MOB3B: variants seen among roughly 807,000 people sequenced by gnomAD.
MOB3B encodes the protein MOB kinase activator 3B.
Under a neutral mutation model 18.7 loss-of-function variants are expected in MOB3B, and 7 were observed. That is an observed-to-expected ratio of 0.37 (90% confidence interval 0.21 to 0.70). The LOEUF is 0.70. Ranked by LOEUF, MOB3B falls within the 30% of genes least tolerant of loss-of-function variation. The probability of loss-of-function intolerance (pLI) is 0.52; values close to 1 mark genes in which losing one functional copy is unlikely to be tolerated. For missense variants in MOB3B, 253 were observed against 281.3 expected (o/e 0.90, Z 0.72); for synonymous variants, 111 against 99.9 (o/e 1.11, Z -0.66).
At chr9:27,331,528 G>A (rs1210634346) in intron 3 of MOB3B, among the ~76,000 whole-genome samples, 1 of 152,148 alleles carries the variant, frequency 6.6e-6, no homozygotes, top group African/African-American at 2.4e-5. Flanking sequence ...TAGACTGGGC[G>A]CTACTAAGTG....
intron 1 of MOB3B, among the ~76,000 whole-genome samples, chr9:27,504,826 G>C (rs561736887): frequency 6.6e-6 from 1 of 152,226 alleles, no homozygotes; most frequent in African/African-American, 2.4e-5. Context: ...GAGGTCAGGA[G>C]TCTAAAATGG....
At chr9:27,444,036 C>A (rs1822638365) in intron 2 of MOB3B, among the ~76,000 whole-genome samples, 1 of 151,810 alleles carries the variant, frequency 6.6e-6, no homozygotes, top group South Asian at 2.1e-4. Context: ...TTCAAGAGCA[C>A]AAGGCCATGG....
chr9:27,395,121 T>TA (rs1464002894), intron 2 of MOB3B, among the ~76,000 whole-genome samples: 1 of 152,204 alleles, frequency 6.6e-6, no homozygotes, highest in Non-Finnish European at 1.5e-5. Flanking sequence ...GTGGAGTCAT[T>TA]AAGTCGGGAT....
intron 2 of MOB3B, among the ~76,000 whole-genome samples, chr9:27,392,399 C>T (rs775351986): frequency 2.6e-5 from 4 of 151,984 alleles, no homozygotes; most frequent in East Asian, 1.9e-4. Flanking sequence ...AATGGTATAC[C>T]GTAGTAGGAC....
At chr9:27,342,581 C>T (rs1820962700) in intron 3 of MOB3B, among the ~76,000 whole-genome samples, 1 of 152,206 alleles carries the variant, frequency 6.6e-6, no homozygotes, top group Non-Finnish European at 1.5e-5. Flanking sequence ...ATTCTCCTGC[C>T]TCAGCCTGCA....
chr9:27,330,902 G>A (rs564294012), intron 3 of MOB3B, among the ~76,000 whole-genome samples: 1 of 152,206 alleles, frequency 6.6e-6, no homozygotes, highest in East Asian at 1.9e-4. Flanking sequence ...TGAACAACTG[G>A]AGTTGAAGAA....
intron 2 of MOB3B, among the ~76,000 whole-genome samples, chr9:27,388,380 T>A (rs1186112428): frequency 6.6e-6 from 1 of 152,198 alleles, no homozygotes; most frequent in Non-Finnish European, 1.5e-5. Flanking sequence ...GCTTTCATAT[T>A]AGCACTGACC....
At chr9:27,468,710 T>C (rs1335656265) in intron 1 of MOB3B, among the ~76,000 whole-genome samples, 1 of 152,222 alleles carries the variant, frequency 6.6e-6, no homozygotes, top group African/African-American at 2.4e-5. Context: ...TCAGTAACTT[T>C]TTGTGGTTAA....
chr9:27,366,334 C>T lies in MOB3B; in HGVS notation c.419-7098G>A, dbSNP rs563610854. Among the ~76,000 whole-genome samples the T allele has an allele frequency of 2.6e-5, 4 of 152,304 alleles. No homozygotes were observed. In the East Asian group the frequency reaches 7.7e-4, roughly 29 times the overall value. ...CTTTCATCTCTGCCTTAGGAAATCT[C>T]CTTTCTCCCCAAGAAAATTTAATAA... On this transcript the variant is annotated intron_variant, in intron 2 of 3. Coordinates refer to ENST00000262244, the MANE Select transcript of MOB3B (RefSeq NM_024761.5).
At chr9:27,494,917 A>G (rs2477525) in intron 1 of MOB3B, among the ~76,000 whole-genome samples, 2,226 of 152,330 alleles carry the variant, frequency 0.015, 55 homozygotes, top group African/African-American at 0.051. Context: ...AATGCAAATT[A>G]TGATTCAACA....
At chr9:27,377,671 C>T (rs1821509061) in intron 2 of MOB3B, among the ~76,000 whole-genome samples, 2 of 152,316 alleles carry the variant, frequency 1.3e-5, no homozygotes, top group South Asian at 4.1e-4. Context: ...ACTTTTTATG[C>T]TAAATTGAAA....
At chr9:27,497,816 T>G (rs962882084) in intron 1 of MOB3B, among the ~76,000 whole-genome samples, 5 of 152,356 alleles carry the variant, frequency 3.3e-5, no homozygotes, top group African/African-American at 1.2e-4. Flanking sequence ...ACTTCTTGTA[T>G]GTAAATAAAT....
In MOB3B at chr9:27,353,164, T is replaced by C. The variant is rs1038459270; in HGVS notation, c.621+5870A>G. Among the ~76,000 whole-genome samples, 5 of 152,186 alleles carry C rather than the reference T, an allele frequency of 3.3e-5. No homozygotes were observed. In the South Asian group the frequency reaches 6.2e-4, roughly 19 times the overall value. ...AGGGTAATTGTCATCTAGGGTCTTT[T>C]CCCTCAACGTGTGGTCTGGGAACCA... On this transcript the variant is annotated intron_variant, in intron 3 of 3. Coordinates refer to ENST00000262244, the MANE Select transcript of MOB3B (RefSeq NM_024761.5).
At chr9:27,363,436 T>C (rs1821302914) in intron 2 of MOB3B, among the ~76,000 whole-genome samples, 1 of 150,860 alleles carries the variant, frequency 6.6e-6, no homozygotes, top group South Asian at 2.1e-4. Context: ...GCCCGGCTAA[T>C]TTTTTGTATT....
chr9:27,339,247 G>C (rs1182728641), intron 3 of MOB3B, among the ~76,000 whole-genome samples: 1 of 152,184 alleles, frequency 6.6e-6, no homozygotes, highest in African/African-American at 2.4e-5. Context: ...TCAGGCATGA[G>C]GCCTAAACAT....
chr9:27,462,025 A>G (rs541536888), intron 1 of MOB3B, among the ~76,000 whole-genome samples: 1 of 152,366 alleles, frequency 6.6e-6, no homozygotes, highest in South Asian at 2.1e-4. Context: ...GGACACCAGT[A>G]CCAACTAGCT....
At chr9:27,434,030 C>T (rs1822456482) in intron 2 of MOB3B, among the ~76,000 whole-genome samples, 1 of 152,204 alleles carries the variant, frequency 6.6e-6, no homozygotes, top group African/African-American at 2.4e-5. Context: ...AATCCAGACT[C>T]AGGGTATTTG....
chr9:27,422,207 T>C (rs559783282), intron 2 of MOB3B, among the ~76,000 whole-genome samples: 36 of 152,242 alleles, frequency 2.4e-4, no homozygotes, highest in Non-Finnish European at 4.4e-4. Flanking sequence ...CTGGGGCTGA[T>C]CTTGCCTTTC....
Position 27,529,754 on chromosome 9 carries a change from G to A in MOB3B, c.-398C>T. 1 of 985,456 alleles carries A rather than the reference G, an allele frequency of 1.0e-6. No homozygotes were observed. Among genetic ancestry groups the A allele is most frequent in the Non-Finnish European group, 1.2e-6 (1 of 829,970 alleles). 61.0% of individuals were successfully genotyped at this position (985,456 alleles called of 1,614,324 possible). A position where few individuals can be genotyped will look rare whatever the true frequency, so the allele number is the denominator to read the frequency against. On this transcript the variant is annotated 5_prime_UTR_variant, in exon 1 of 4. The change creates a new upstream start codon in the 5' untranslated region. Transcript: ENST00000262244. The stretch of plus-strand genomic sequence containing the variant: ...GCGCCTGGCTCCAGCTGCAGCCGCC[G>A]TCGCTCCGGAGCAGCCCCCTCATGC...
Sources: gnomAD v4.1 joint callset for allele counts (sites outside exome capture counted in the v4.1 genomes callset) on GRCh38, gnomAD v4.1.1 for gene constraint, MANE v1.5 for transcripts, NCBI Gene and HGNC (gene_info 2026-07-23, HGNC 2026-07-21) for gene names.